The following CEP164 variants were observed in gnomAD, a reference collection of about 807,000 sequenced individuals.
CEP164 encodes the protein centrosomal protein 164.
A neutral mutation model predicts 182.7 loss-of-function variants in CEP164; 162 were observed. The observed-to-expected ratio is 0.89, with a 90% CI of 0.78 to 1.01. The LOEUF (loss-of-function observed/expected upper bound fraction) is 1.01. CEP164 is among the 50% of genes least tolerant of loss of function. The probability of loss-of-function intolerance (pLI) is 0.00; values close to 1 mark genes in which losing one functional copy is unlikely to be tolerated. For missense variants in CEP164, 1,735 were observed against 1,790.4 expected (o/e 0.97, Z 0.56); for synonymous variants, 661 against 690.0 (o/e 0.96, Z 0.66).
chr11:117,362,069 T>C, intron 6 of CEP164, 76 bp downstream of exon 6: 1 of 1,359,776 alleles, frequency 7.4e-7, no homozygotes, highest in South Asian at 1.4e-5. Flanking sequence ...AACTATGGCC[T>C]AGGGGTGAGA....
chr11:117,330,717 G>A (rs1242074390), intron 1 of CEP164, among the ~76,000 whole-genome samples: 1 of 152,168 alleles, frequency 6.6e-6, no homozygotes, highest in Non-Finnish European at 1.5e-5. Flanking sequence ...GCCTGGTGCT[G>A]GATATGTCCT....
At chr11:117,397,393 C>A (rs554159082) in intron 27 of CEP164, 80 bp downstream of exon 27, 2 of 1,365,432 alleles carry the variant, frequency 1.5e-6, no homozygotes, top group East Asian at 2.5e-5. Flanking sequence ...TTGGGCTCCC[C>A]CTCAGTTGGT....
intron 1 of CEP164, among the ~76,000 whole-genome samples, chr11:117,333,452 C>T (rs1030343221): frequency 2.6e-5 from 4 of 152,204 alleles, no homozygotes; most frequent in East Asian, 1.9e-4. Context: ...ATCTGGCCTC[C>T]GCTTTAGGGT....
At position 117,409,542 on chromosome 11, in the gene CEP164, C is replaced by T; in HGVS notation, c.3749-76C>T. 1 of 1,369,832 alleles carries T rather than the reference C, an allele frequency of 7.3e-7. No homozygotes were observed. The highest frequency in any genetic ancestry group is 1.3e-5 in the South Asian group (1 of 75,638). The allele number at this position is 1,369,832 out of a possible 1,614,324, so 84.9% of individuals were successfully genotyped here. On this transcript the variant is annotated intron_variant, in intron 29 of 32. Coordinates refer to ENST00000278935, the MANE Select transcript of CEP164 (RefSeq NM_014956.5). The surrounding 1 kb of genome is among the most constrained non-coding windows in gnomAD (Gnocchi z 4.4). ...GGGAGGGGTGGCCAGTAGGGTCCTC[C>T]ATGACAGCTGTGTCTGGGAATGGTC...
Position 117,336,547 on chromosome 11 carries a change from G to A in CEP164, c.-22+867G>A, listed in dbSNP as rs548233761. The A allele has an allele frequency of 2.8e-4, 424 of 1,532,860 alleles. 2 individuals are homozygous for A. The highest frequency in any genetic ancestry group is 1.3e-4 in the South Asian group (11 of 85,010). 95.0% of individuals were successfully genotyped at this position (1,532,860 alleles called of 1,614,324 possible). A position where few individuals can be genotyped will look rare whatever the true frequency, so the allele number is the denominator to read the frequency against. On this transcript the variant is annotated intron_variant, in intron 2 of 32. Coordinates refer to ENST00000278935, the MANE Select transcript of CEP164 (RefSeq NM_014956.5). Reference sequence around the variant, plus strand: ...GGGAAAGGGTGGATTGATAGGTGGTGGGTGGGCAGGATTGGAACCTCCAGG... The same window carrying A: ...GGGAAAGGGTGGATTGATAGGTGGTAGGTGGGCAGGATTGGAACCTCCAGG...
chr11:117,369,833 GTT>G (rs1345276473), intron 8 of CEP164, among the ~76,000 whole-genome samples: 11 of 152,238 alleles, frequency 7.2e-5, no homozygotes, highest in Non-Finnish European at 1.6e-4. Context: ...GCAGCCTTGG[GTT>G]TTTACTAGTC....
chr11:117,408,934 A>C lies in CEP164; in HGVS notation c.3654A>C (p.Ala1218=), dbSNP rs761544694. The change falls in exon 29 of 33, where the codon GCA becomes GCC. Residue 1218 remains alanine, a synonymous_variant. Transcript: ENST00000278935. Reference sequence around the variant, plus strand: ...TGGGAGGATCCCCCACCAAGAAGGCAGTAACCTTCGACCTCAGTGACATGG... The same window carrying C: ...TGGGAGGATCCCCCACCAAGAAGGCCGTAACCTTCGACCTCAGTGACATGG... ...GTLGGSPTKK[A]VTFDLSDMDS... is the part of the protein sequence containing the mutation. 3 of 1,614,050 alleles carry C rather than the reference A, an allele frequency of 1.9e-6. No homozygotes were observed.
intron 12 of CEP164, 51 bp from the exon 13 acceptor site, chr11:117,381,650 C>G: frequency 6.4e-7 from 1 of 1,562,962 alleles, no homozygotes; most frequent in Non-Finnish European, 8.7e-7. Flanking sequence ...GTTCTCTTCC[C>G]GCTCTCCAAA....
At chr11:117,340,604 A>G (rs943022163) in intron 3 of CEP164, among the ~76,000 whole-genome samples, 1 of 152,136 alleles carries the variant, frequency 6.6e-6, no homozygotes, top group Non-Finnish European at 1.5e-5. Context: ...GCTCCATCAT[A>G]GCTCACTGCA....
At position 117,381,888 on chromosome 11, in the gene CEP164, T is replaced by C; in HGVS notation, c.1577+20T>C. 4.1e-6 allele frequency: 6 copies of C among 1,446,688 alleles called. No individual in the cohort carries two copies. In the South Asian group the frequency reaches 8.5e-5, roughly 20 times the overall value. The allele number at this position is 1,446,688 out of a possible 1,614,324, so 89.6% of individuals were successfully genotyped here. A position where few individuals can be genotyped will look rare whatever the true frequency, so the allele number is the denominator to read the frequency against. ...CCAGAGGTAAGGATGAGGGGAAGCA[T>C]CCTCATGAGGATGAGGGCTGGTGGC... is the stretch of plus-strand genomic sequence containing the variant. On this transcript the variant is annotated intron_variant, in intron 13 of 32. Transcript: ENST00000278935.
intron 24 of CEP164, 132 bp from the exon 25 acceptor site, chr11:117,395,922 G>A: frequency 7.5e-7 from 1 of 1,332,328 alleles, no homozygotes; most frequent in Non-Finnish European, 1.0e-6. Context: ...TGGTGCTATT[G>A]TTCGTGCCTG....
chr11:117,408,058 A>G (rs1362389169), intron 28 of CEP164, 26 bp downstream of exon 28: 1 of 1,507,228 alleles, frequency 6.6e-7, no homozygotes, highest in Middle Eastern at 1.7e-4. Flanking sequence ...CACATAGTCC[A>G]GTGGGCCCTG....
intron 2 of CEP164, chr11:117,336,706 G>T: frequency 1.3e-6 from 1 of 743,126 alleles, no homozygotes. Flanking sequence ...TGTTTTTAAT[G>T]GCTGGGCCTT....
chr11:117,392,155 T>G, intron 17 of CEP164, 71 bp from the exon 18 acceptor site: 1 of 1,407,396 alleles, frequency 7.1e-7, no homozygotes, highest in Non-Finnish European at 9.5e-7. Flanking sequence ...GTCGGTAGTC[T>G]TCCTGGCTCC....
chr11:117,411,382 A>T lies in CEP164; in HGVS notation c.4164-413A>T. ...TATTTAAACCTGTTATTAATTTTCCATTCATCTCATTCCTTGCCAAATGTT... is the reference window on the plus strand; with the variant it reads ...TATTTAAACCTGTTATTAATTTTCCTTTCATCTCATTCCTTGCCAAATGTT... On this transcript the variant is annotated intron_variant, in intron 31 of 32. Coordinates refer to ENST00000278935, the MANE Select transcript of CEP164 (RefSeq NM_014956.5). This position sits in a 1 kb window ranked among gnomAD's most constrained non-coding sequence, Gnocchi z 4.4. 4.1e-6 allele frequency: 1 copy of T among 245,726 alleles called. No homozygotes were observed. Among genetic ancestry groups the T allele is most frequent in the Non-Finnish European group, 8.0e-6 (1 of 125,738 alleles). The allele number at this position is 245,726 out of a possible 1,614,324, so 15.2% of individuals were successfully genotyped here. A position where few individuals can be genotyped will look rare whatever the true frequency, so the allele number is the denominator to read the frequency against.
chr11:117,360,475 G>T (rs114361457), intron 5 of CEP164, among the ~76,000 whole-genome samples: 40 of 152,266 alleles, frequency 2.6e-4, no homozygotes, highest in African/African-American at 9.1e-4. Context: ...GGCTCAAGCA[G>T]TCCATCCTCC....
In CEP164 at chr11:117,339,934, G is replaced by A. The variant is rs533647771; in HGVS notation, c.82+1266G>A. Among the ~76,000 whole-genome samples, 3 of 152,222 alleles carry A rather than the reference G, an allele frequency of 2.0e-5. No individual in the cohort carries two copies. In the East Asian group the frequency reaches 5.8e-4, roughly 29 times the overall value. On this transcript the variant is annotated intron_variant, in intron 3 of 32. Coordinates refer to ENST00000278935, the MANE Select transcript of CEP164 (RefSeq NM_014956.5). ...CAAGGCACAGAAAGATTAACTTCCT[G>A]TGGATATACAGTTCTATTCTAAGTG...
At chr11:117,356,478 C>A in intron 5 of CEP164, 1 of 1,284,652 alleles carries the variant, frequency 7.8e-7, no homozygotes, top group South Asian at 1.2e-5. Context: ...CAGGAGGTGG[C>A]CCTCGCCCCT....
chr11:117,411,011 C>T lies in CEP164; in HGVS notation c.4163+117C>T, dbSNP rs2047291990. 2.2e-6 allele frequency: 2 copies of T among 903,800 alleles called. No individual in the cohort carries two copies. Among genetic ancestry groups the T allele is most frequent in the Non-Finnish European group, 3.5e-6 (2 of 577,678 alleles). 56.0% of individuals were successfully genotyped at this position (903,800 alleles called of 1,614,324 possible). A position where few individuals can be genotyped will look rare whatever the true frequency, so the allele number is the denominator to read the frequency against. The stretch of plus-strand genomic sequence containing the variant: ...ACCTCCTGGTCTTACCCCAAGAAAT[C>T]AGGCAGGCCTCTAGTCCACAGAGCT... On this transcript the variant is annotated intron_variant, in intron 31 of 32. Transcript: ENST00000278935. This position sits in a 1 kb window ranked among gnomAD's most constrained non-coding sequence, Gnocchi z 4.4.
Sources: gnomAD v4.1 joint callset for allele counts (sites outside exome capture counted in the v4.1 genomes callset) on GRCh38, gnomAD v4.1.1 for gene constraint, Gnocchi (gnomAD v3.1) non-coding constraint, MANE v1.5 for transcripts, NCBI Gene and HGNC (gene_info 2026-07-23, HGNC 2026-07-21) for gene names.